The following CBFA2T2 variants were observed in gnomAD, a reference collection of about 807,000 sequenced individuals.
CBFA2T2 encodes protein CBFA2T2.
In CBFA2T2, 11 loss-of-function variants were observed where a neutral mutation model predicts 62.2. That is an observed-to-expected ratio of 0.18 (90% confidence interval 0.11 to 0.29). The LOEUF (loss-of-function observed/expected upper bound fraction) is 0.29. Ranked by LOEUF, CBFA2T2 falls within the 10% of genes least tolerant of loss-of-function variation. The pLI, the probability that CBFA2T2 is intolerant of heterozygous loss-of-function variation, is 1.00. For synonymous variants in CBFA2T2, 295 were observed against 287.5 expected (o/e 1.03, Z -0.27); for missense variants, 592 against 774.1 (o/e 0.76, Z 2.79).
At chr20:33,500,349 T>C (rs1182710665) in intron 1 of CBFA2T2, among the ~76,000 whole-genome samples, 2 of 152,034 alleles carry the variant, frequency 1.3e-5, no homozygotes, top group African/African-American at 4.8e-5. Context: ...CAGAGCTTCC[T>C]GAAGATAATT....
intron 1 of CBFA2T2, among the ~76,000 whole-genome samples, chr20:33,507,295 G>A (rs2011419699): frequency 6.6e-6 from 1 of 152,152 alleles, no homozygotes; most frequent in African/African-American, 2.4e-5. Context: ...TCCAGTAAGG[G>A]AGATTGATAG....
chr20:33,599,774 A>G (rs918265510), intron 1 of CBFA2T2, among the ~76,000 whole-genome samples: 3 of 152,030 alleles, frequency 2.0e-5, no homozygotes, highest in African/African-American at 7.2e-5. Flanking sequence ...TTGTATTTTT[A>G]GTAGAAACGG....
In CBFA2T2 at chr20:33,623,158, G is replaced by A. The variant is rs575183508; in HGVS notation, c.554G>A (p.Arg185Gln). 1.3e-4 allele frequency: 213 copies of A among 1,614,226 alleles called. No homozygotes were observed. The highest frequency in any genetic ancestry group is 1.2e-3 in the South Asian group (106 of 91,090). ...LLQRELLHCA[R>Q]AAKQTPSQYL... ...CAGCGGGAACTGCTGCACTGCGCTC[G>A]GGCGGCCAAGCAGACCCCATCCCAG... Residue 185 changes from arginine (R) to glutamine (Q), a missense_variant, in exon 5 of 11, where the codon CGG (arginine) becomes CAG (glutamine). By Grantham distance (43) the Arg-to-Gln change is conservative. Transcript: ENST00000342704.
chr20:33,607,090 C>A lies in CBFA2T2; in HGVS notation c.169C>A (p.Pro57Thr). 3.1e-6 allele frequency: 5 copies of A among 1,613,730 alleles called. No homozygotes were observed. The highest frequency in any genetic ancestry group is 4.2e-6 in the Non-Finnish European group (5 of 1,179,776). ...AGGACCGAGGCCAGTGTCCTTCACT[C>A]CTACTGCATGTGAGACCTCTTAGTT... ...PGGPRPVSFT[P>T]TALSNGINHS... Residue 57 changes from proline to threonine, a missense_variant, in exon 2 of 11, where the codon CCT (proline) becomes ACT (threonine). Physicochemically the swap from Pro to Thr is conservative, Grantham distance 38. This residue lies in a region of CBFA2T2 where 449 missense variants were observed against 551.2 expected (regional missense o/e 0.81). Transcript: ENST00000342704.
chr20:33,503,315 C>T (rs1472687189), intron 1 of CBFA2T2, among the ~76,000 whole-genome samples: 122 of 131,700 alleles, frequency 9.3e-4, no homozygotes, highest in African/African-American at 3.2e-3. Context: ...AATGCAGTGG[C>T]GCAATCTCAG....
intron 6 of CBFA2T2, among the ~76,000 whole-genome samples, chr20:33,627,445 GA>G (rs1266269838): frequency 2.0e-5 from 3 of 151,954 alleles, no homozygotes; most frequent in Non-Finnish European, 4.4e-5. Flanking sequence ...CACAGTGGGG[GA>G]AAAAACTGGC....
chr20:33,623,210 G>T lies in CBFA2T2; in HGVS notation c.606G>T (p.Leu202=). The T allele has an allele frequency of 6.2e-7, 1 of 1,614,234 alleles. No homozygotes were observed. Among genetic ancestry groups the T allele is most frequent in the Non-Finnish European group, 8.5e-7 (1 of 1,180,046 alleles). ...SQYLAQHEHL[L]LNTSIASPAD... Reference sequence around the variant, plus strand: ...ACCTGGCTCAGCACGAACACCTTCTGCTCAACACAAGCATTGCATCGCCTG... The same window carrying T: ...ACCTGGCTCAGCACGAACACCTTCTTCTCAACACAAGCATTGCATCGCCTG... The change falls in exon 5 of 11, where the codon CTG becomes CTT. Residue 202 remains leucine, a synonymous_variant. Coordinates refer to ENST00000342704, the MANE Select transcript of CBFA2T2 (RefSeq NM_001032999.3).
chr20:33,610,428 C>T (rs908089933), intron 2 of CBFA2T2, among the ~76,000 whole-genome samples: 2 of 152,044 alleles, frequency 1.3e-5, no homozygotes, highest in African/African-American at 4.8e-5. Context: ...ATAATTTGAG[C>T]AAAAATGTAG....
At chr20:33,492,913 A>G (rs1555826476) in intron 1 of CBFA2T2, among the ~76,000 whole-genome samples, 2 of 152,006 alleles carry the variant, frequency 1.3e-5, no homozygotes, top group East Asian at 1.9e-4. Flanking sequence ...GCTCACCACC[A>G]TGCCTGGCTA....
intron 1 of CBFA2T2, among the ~76,000 whole-genome samples, chr20:33,494,550 G>T (rs2146842028): frequency 6.6e-6 from 1 of 151,376 alleles, no homozygotes; most frequent in African/African-American, 2.4e-5. Flanking sequence ...CAAAGTGCTG[G>T]GATTACAGGC....
At chr20:33,545,482 G>A (rs1007174069) in intron 1 of CBFA2T2, among the ~76,000 whole-genome samples, 2 of 106,142 alleles carry the variant, frequency 1.9e-5, no homozygotes, top group Non-Finnish European at 3.8e-5. Context: ...TCGTTCGTTT[G>A]TTTTCCTCTA....
At chr20:33,624,610 C>T (rs1385435626) in intron 5 of CBFA2T2, among the ~76,000 whole-genome samples, 154 bp from the exon 6 acceptor site, 1 of 152,166 alleles carries the variant, frequency 6.6e-6, no homozygotes, top group Admixed American at 6.5e-5. Context: ...CCCTTGAAGA[C>T]AATTCAGCTC....
chr20:33,590,264 A>T (rs1174748348), intron 1 of CBFA2T2, among the ~76,000 whole-genome samples: 1 of 151,588 alleles, frequency 6.6e-6, no homozygotes, highest in Non-Finnish European at 1.5e-5. Flanking sequence ...AAAAAAAAAA[A>T]TCTGCAATCC....
At position 33,649,606 on chromosome 20, in the gene CBFA2T2, G is replaced by A. The variant is rs1254926098; in HGVS notation, c.*4960G>A. 1 of 152,246 alleles carries A rather than the reference G, an allele frequency of 6.6e-6. No homozygotes were observed. Among genetic ancestry groups the A allele is most frequent in the African/African-American group, 2.4e-5 (1 of 41,442 alleles). The allele number at this position is 152,246 out of a possible 1,614,324, so 9.4% of individuals were successfully genotyped here. A position where few individuals can be genotyped will look rare whatever the true frequency, so the allele number is the denominator to read the frequency against. On this transcript the variant is annotated 3_prime_UTR_variant, in exon 11 of 11. Coordinates refer to ENST00000342704, the MANE Select transcript of CBFA2T2 (RefSeq NM_001032999.3). Reference sequence around the variant, plus strand: ...GTGATGCTTATACCAAATAGGGCATGTGCGCTGGTGTCTGTTGGGGACAGC... The same window carrying A: ...GTGATGCTTATACCAAATAGGGCATATGCGCTGGTGTCTGTTGGGGACAGC...
At position 33,578,007 on chromosome 20, in the gene CBFA2T2, C is replaced by A. The variant is rs113145608; in HGVS notation, c.35-28949C>A. 2.3e-3 allele frequency among the ~76,000 whole-genome samples: 350 copies of A among 152,262 alleles called. 2 individuals carry two copies. The highest frequency in any genetic ancestry group is 8.1e-3 in the African/African-American group (336 of 41,552). On this transcript the variant is annotated intron_variant, in intron 1 of 10. Coordinates refer to ENST00000342704, the MANE Select transcript of CBFA2T2 (RefSeq NM_001032999.3). ...CAAGAAAGTCTTGTCCTACTCAAAT[C>A]TTGGGTAAATATGAAACTTGCTTCA...
chr20:33,548,203 G>T (rs912309283), intron 1 of CBFA2T2, among the ~76,000 whole-genome samples: 1 of 151,718 alleles, frequency 6.6e-6, no homozygotes, highest in Non-Finnish European at 1.5e-5. Flanking sequence ...GCATTCACCT[G>T]TAGGTTTCCT....
intron 1 of CBFA2T2, among the ~76,000 whole-genome samples, chr20:33,564,419 G>T (rs1440809027): frequency 1.3e-5 from 2 of 151,472 alleles, no homozygotes; most frequent in Admixed American, 1.3e-4. Flanking sequence ...CACCATGCCT[G>T]GCTAATTTTT....
intron 1 of CBFA2T2, among the ~76,000 whole-genome samples, chr20:33,540,668 G>A (rs1165360370): frequency 6.6e-6 from 1 of 152,182 alleles, no homozygotes; most frequent in East Asian, 1.9e-4. Context: ...GCATTTTAAA[G>A]TAAAGGGAAT....
At chr20:33,599,321 C>T (rs192245709) in intron 1 of CBFA2T2, among the ~76,000 whole-genome samples, 103 of 152,200 alleles carry the variant, frequency 6.8e-4, no homozygotes, top group African/African-American at 2.3e-3. Flanking sequence ...GATTACAACA[C>T]AGCCAAGCCC....
Sources: allele counts gnomAD v4.1 joint callset (sites outside exome capture counted in the v4.1 genomes callset), GRCh38; gene constraint gnomAD v4.1.1; regional missense constraint gnomAD v4.1.1; transcripts MANE v1.5; gene names NCBI Gene and HGNC (gene_info 2026-07-23, HGNC 2026-07-21).